Variants in PKHD1L1 observed in about 807,000 individuals in gnomAD.
The protein encoded by PKHD1L1 is PKHD1 like 1.
In PKHD1L1, 434 loss-of-function variants were observed where a neutral mutation model predicts 462.9. The ratio of observed to expected loss-of-function variants is 0.94; its 90% CI spans 0.87 to 1.02. The LOEUF (loss-of-function observed/expected upper bound fraction) is 1.02. PKHD1L1 is among the 50% of genes least tolerant of loss of function. PKHD1L1 has a pLI of 0.00. For synonymous variants in PKHD1L1, 1,781 were observed against 1,750.0 expected (o/e 1.02, Z -0.44); for missense variants, 5,202 against 5,096.1 (o/e 1.02, Z -0.63).
Position 109,448,313 on chromosome 8 carries a change from C to T in PKHD1L1, c.5947C>T (p.His1983Tyr). The T allele has an allele frequency of 6.2e-7, 1 of 1,613,520 alleles. No homozygotes were observed. The highest frequency in any genetic ancestry group is 2.2e-5 in the East Asian group (1 of 44,858). The change falls in exon 39 of 78, where the codon CAT becomes TAT. Residue 1983 changes from histidine to tyrosine, a missense_variant. Around this residue, in one of 3 missense-constraint regions of PKHD1L1, gnomAD observed 4,497 missense variants for 4,336.8 expected, o/e 1.04. Transcript: ENST00000378402. ...GGGCACATTTCCTGTTATGATGCAT[C>T]ATAAGACAAAAGGCTCAGCCATGTC... ...AGGTFPVMMH[H>Y]KTKGSAMSTV...
chr8:109,451,040 A>T lies in PKHD1L1; in HGVS notation c.6241A>T (p.Thr2081Ser). Residue 2081 changes from threonine (T) to serine (S), a missense_variant, in exon 41 of 78, where the codon ACT becomes TCT. By Grantham distance (58) the Thr-to-Ser change is moderately conservative. Coordinates refer to ENST00000378402, the MANE Select transcript of PKHD1L1 (RefSeq NM_177531.6). ...TGGGAAAGATTTGTCACAGTCCATGACTCCGTTTACGTACGCAGTGTCACT... is the reference window on the plus strand; with the variant it reads ...TGGGAAAGATTTGTCACAGTCCATGTCTCCGTTTACGTACGCAGTGTCACT... ...VNGKDLSQSM[T>S]PFTYAVSLTP... The T allele has an allele frequency of 6.2e-7, 1 of 1,613,578 alleles. No homozygotes were observed. Among genetic ancestry groups the T allele is most frequent in the Non-Finnish European group, 8.5e-7 (1 of 1,179,724 alleles).
rs970257979 is a variant in PKHD1L1 at position 109,475,703 on chromosome 8, C to T, written c.8757+434C>T. Among the ~76,000 whole-genome samples, 9 of 151,312 alleles carry T rather than the reference C, an allele frequency of 5.9e-5. No individual in the cohort carries two copies. The East Asian group carries it at 7.7e-4, about 13-fold the overall frequency. Reference sequence around the variant, plus strand: ...AATACAAAAAAAAAAAAAGATTAGCCGGGTGTGGTGGTGGGCATCTGTAGT... The same window carrying T: ...AATACAAAAAAAAAAAAAGATTAGCTGGGTGTGGTGGTGGGCATCTGTAGT... On this transcript the variant is annotated intron_variant, in intron 51 of 77. Transcript: ENST00000378402.
intron 67 of PKHD1L1, among the ~76,000 whole-genome samples, chr8:109,503,318 A>G (rs1819529569): frequency 6.6e-6 from 1 of 151,976 alleles, no homozygotes; most frequent in Non-Finnish European, 1.5e-5. Flanking sequence ...AAACAAACAA[A>G]AAAAAAACAG....
chr8:109,470,946 G>T, intron 50 of PKHD1L1: 2 of 1,609,444 alleles, frequency 1.2e-6, no homozygotes, highest in Non-Finnish European at 1.7e-6. Context: ...CTGAACAACA[G>T]TGGGGAGTTC....
At position 109,536,956 on chromosome 8, in the gene PKHD1L1, G is replaced by T. The variant is rs551672320; in HGVS notation, c.*6866G>T. On this transcript the variant is annotated 3_prime_UTR_variant, in exon 78 of 78. Transcript: ENST00000378402. ...TATGGTGATTTTGAGTATTAAAAAA[G>T]AAGTTATAATTTTCCAGAATATTAA... is the stretch of plus-strand genomic sequence containing the variant. 1.3e-5 allele frequency among the ~76,000 whole-genome samples: 2 copies of T among 152,234 alleles called. No individual in the cohort carries two copies. Among genetic ancestry groups the T allele is most frequent in the Admixed American group, 6.5e-5 (1 of 15,290 alleles).
intron 35 of PKHD1L1, 123 bp from the exon 36 acceptor site, chr8:109,442,823 A>C: frequency 1.1e-6 from 1 of 919,068 alleles, no homozygotes; most frequent in South Asian, 1.8e-5. Flanking sequence ...TTTCATACAC[A>C]TGAAAAATAA....
intron 15 of PKHD1L1, 120 bp from the exon 16 acceptor site, chr8:109,404,875 C>G: frequency 9.2e-7 from 1 of 1,092,068 alleles, no homozygotes; most frequent in East Asian, 2.7e-5. Flanking sequence ...GCCAAAAAGG[C>G]TGTTACTTGT....
chr8:109,366,698 T>TC (rs1034233005), intron 2 of PKHD1L1, among the ~76,000 whole-genome samples: 14 of 151,294 alleles, frequency 9.3e-5, no homozygotes, highest in African/African-American at 3.4e-4. Flanking sequence ...ATGATTTTTT[T>TC]TTTTTTTTTT....
chr8:109,363,284 T>A (rs1486872490), intron 1 of PKHD1L1, among the ~76,000 whole-genome samples: 1 of 152,172 alleles, frequency 6.6e-6, no homozygotes, highest in Non-Finnish European at 1.5e-5. Context: ...TTCCTACTCT[T>A]GGGCTGCCCT....
chr8:109,430,234 A>G (rs1815023008), intron 27 of PKHD1L1, among the ~76,000 whole-genome samples, 197 bp downstream of exon 27: 1 of 152,216 alleles, frequency 6.6e-6, no homozygotes, highest in South Asian at 2.1e-4. Context: ...TTTTGAAAAA[A>G]AAATATTTCT....
At position 109,406,230 on chromosome 8, in the gene PKHD1L1, A is replaced by G. The variant is rs1330266976; in HGVS notation, c.1670-105A>G. ...TGATAACTTACATGGTACAGAGTAT[A>G]GGTGCTTTAAAAATATAAATACGAG... On this transcript the variant is annotated intron_variant, in intron 16 of 77. Coordinates refer to ENST00000378402, the MANE Select transcript of PKHD1L1 (RefSeq NM_177531.6). 26 of 1,109,092 alleles carry G rather than the reference A, an allele frequency of 2.3e-5. No homozygotes were observed. The Admixed American group carries it at 6.9e-4, about 29-fold the overall frequency. The allele number at this position is 1,109,092 out of a possible 1,614,324, so 68.7% of individuals were successfully genotyped here.
At chr8:109,438,499 A>G in intron 31 of PKHD1L1, 43 bp downstream of exon 31, 4 of 1,481,046 alleles carry the variant, frequency 2.7e-6, no homozygotes, top group South Asian at 1.4e-5. Context: ...TCCTATGTAT[A>G]AAAAACATTT....
intron 71 of PKHD1L1, among the ~76,000 whole-genome samples, chr8:109,512,388 G>C (rs2130994090): frequency 1.3e-5 from 2 of 151,638 alleles, no homozygotes; most frequent in East Asian, 1.9e-4. Flanking sequence ...TGTAAGGAAG[G>C]GATCCAGTTT....
intron 14 of PKHD1L1, among the ~76,000 whole-genome samples, 174 bp from the exon 15 acceptor site, chr8:109,404,380 T>G (rs1412553336): frequency 1.3e-5 from 2 of 152,182 alleles, no homozygotes; most frequent in Admixed American, 1.3e-4. Context: ...TCATTTTATT[T>G]TGGCAAAATG....
intron 2 of PKHD1L1, among the ~76,000 whole-genome samples, chr8:109,374,789 G>A (rs1472686323): frequency 6.6e-6 from 1 of 152,062 alleles, no homozygotes; most frequent in East Asian, 1.9e-4. Context: ...TGAAATTCTG[G>A]GTTGAAAATT....
At chr8:109,519,132 T>A (rs1170516039) in intron 73 of PKHD1L1, among the ~76,000 whole-genome samples, 2 of 152,136 alleles carry the variant, frequency 1.3e-5, no homozygotes, top group Non-Finnish European at 2.9e-5. Flanking sequence ...AAAGGGCAGA[T>A]GTGCAAGTAC....
At chr8:109,408,286 G>T in intron 18 of PKHD1L1, 80 bp downstream of exon 18, 1 of 1,281,258 alleles carries the variant, frequency 7.8e-7, no homozygotes. Flanking sequence ...AGACAGATGG[G>T]AAAGAGATGT....
At chr8:109,437,471 C>A (rs1414721720) in intron 30 of PKHD1L1, among the ~76,000 whole-genome samples, 1 of 150,178 alleles carries the variant, frequency 6.7e-6, no homozygotes, top group Admixed American at 6.6e-5. Flanking sequence ...TTAGGTATAT[C>A]TCCTAATGCT....
intron 50 of PKHD1L1, chr8:109,471,109 C>G (rs1586581366): frequency 6.6e-7 from 1 of 1,509,534 alleles, no homozygotes; most frequent in East Asian, 2.3e-5. Flanking sequence ...TCTGAAACAT[C>G]TAAACTAAAA....
Sources: gnomAD v4.1 joint callset for allele counts (sites outside exome capture counted in the v4.1 genomes callset) on GRCh38, gnomAD v4.1.1 for gene constraint, gnomAD v4.1.1 regional missense constraint, MANE v1.5 for transcripts, NCBI Gene and HGNC (gene_info 2026-07-23, HGNC 2026-07-21) for gene names.